The following ZNF385C variants were observed in gnomAD, a reference collection of about 807,000 sequenced individuals.
ZNF385C encodes zinc finger protein 385C, also known as CTD-2132N18.2.
ZNF385C carries 28 observed loss-of-function variants against 35.4 expected under a neutral mutation model. The observed-to-expected ratio is 0.79, with a 90% CI of 0.59 to 1.08. The LOEUF (loss-of-function observed/expected upper bound fraction) is 1.08. Among genes scored for constraint, ZNF385C ranks in the 50% least tolerant of loss-of-function variants. The pLI, the probability that ZNF385C is intolerant of heterozygous loss-of-function variation, is 0.00. For missense variants in ZNF385C, 605 were observed against 595.6 expected, an observed-to-expected ratio of 1.02 and a Z score of -0.16; for synonymous variants, 248 against 248.2, an observed-to-expected ratio of 1.00 and a Z score of 0.01.
intron 1 of ZNF385C, among the ~76,000 whole-genome samples, chr17:42,098,050 A>G (rs782802828): frequency 6.6e-6 from 1 of 152,100 alleles, no homozygotes; most frequent in Non-Finnish European, 1.5e-5. Flanking sequence ...CTGCCCTTGG[A>G]TGAGGCATGG....
At chr17:42,059,496 C>T (rs2053428985) in intron 2 of ZNF385C, among the ~76,000 whole-genome samples, 1 of 152,166 alleles carries the variant, frequency 6.6e-6, no homozygotes. Context: ...CCCGTTCTGA[C>T]CCAGTACTGA....
intron 2 of ZNF385C, among the ~76,000 whole-genome samples, chr17:42,045,335 G>A (rs372588540): frequency 6.6e-5 from 10 of 152,256 alleles, no homozygotes; most frequent in East Asian, 1.9e-4. Flanking sequence ...ACAGGCGTGC[G>A]CCACCGCGCC....
In ZNF385C at chr17:42,095,494, C is replaced by G. The variant is rs1396088094; in HGVS notation, c.-3+2916G>C. 6.6e-6 allele frequency among the ~76,000 whole-genome samples: 1 copy of G among 152,196 alleles called. No homozygotes were observed. The highest frequency in any genetic ancestry group is 1.9e-4 in the East Asian group (1 of 5,194). ...TTCCCCCAGGCTAGCTTCCATCCCTCCTGCTGCTGCGGCCCCATTTAGCTC... is the reference window on the plus strand; with the variant it reads ...TTCCCCCAGGCTAGCTTCCATCCCTGCTGCTGCTGCGGCCCCATTTAGCTC... On this transcript the variant is annotated intron_variant, in intron 1 of 8. Transcript: ENST00000692273. This position sits in a 1 kb window ranked among gnomAD's most constrained non-coding sequence, Gnocchi z 4.4.
In ZNF385C at chr17:42,028,891, C is replaced by G. The variant is rs782750056; in HGVS notation, c.859G>C (p.Val287Leu). 3.2e-6 allele frequency: 5 copies of G among 1,550,464 alleles called. No homozygotes were observed. The highest frequency in any genetic ancestry group is 2.7e-5 in the African/African-American group (2 of 73,062). The change falls in exon 6 of 9, where the codon GTG becomes CTG. Residue 287 changes from valine to leucine, a missense_variant. Val to Leu is a conservative substitution (Grantham distance 32). Coordinates refer to ENST00000692273, the MANE Select transcript of ZNF385C (RefSeq NM_001392013.1). Reference protein sequence around the residue: ...APGPEPAAAAVGSSMSGEGRS... With the variant: ...APGPEPAAAALGSSMSGEGRS... Reference sequence around the variant, plus strand: ...CCTTCCCCACTCATGCTGCTTCCCACGGCAGCTGCCGCTGGCTCAGGCCCC... The same window carrying G: ...CCTTCCCCACTCATGCTGCTTCCCAGGGCAGCTGCCGCTGGCTCAGGCCCC...
At chr17:42,072,556 G>T (rs979725994) in intron 1 of ZNF385C, among the ~76,000 whole-genome samples, 25 of 151,994 alleles carry the variant, frequency 1.6e-4, no homozygotes, top group Admixed American at 1.2e-3. Context: ...CGGCGCCCGC[G>T]CCTACCTGGA....
chr17:42,047,032 T>G (rs1407400280), intron 2 of ZNF385C, among the ~76,000 whole-genome samples: 2 of 15,112 alleles, frequency 1.3e-4, no homozygotes, highest in Non-Finnish European at 1.2e-3. Flanking sequence ...CCGGCTAATT[T>G]TTTTTTTTTT....
intron 2 of ZNF385C, among the ~76,000 whole-genome samples, chr17:42,055,635 C>T (rs575864795): frequency 1.2e-3 from 179 of 152,280 alleles, no homozygotes; most frequent in Non-Finnish European, 1.8e-3. Context: ...GGGGAGAAAA[C>T]GGCAACCCAG....
chr17:42,028,090 A>C lies in ZNF385C; in HGVS notation c.1124T>G (p.Leu375Arg). 6.2e-7 allele frequency: 1 copy of C among 1,613,694 alleles called. No homozygotes were observed. The highest frequency in any genetic ancestry group is 8.5e-7 in the Non-Finnish European group (1 of 1,179,834). The change falls in exon 7 of 9, where the codon CTC becomes CGC. Residue 375 changes from leucine (L) to arginine (R), a missense_variant. By Grantham distance (102) the Leu-to-Arg change is moderately radical. Coordinates refer to ENST00000692273, the MANE Select transcript of ZNF385C (RefSeq NM_001392013.1). ...CTCTGAATTGACCTGGAGCTGACAG[A>C]GAGCACAGTGGAAGGCAGGGCTGGG... ...QGPSPAFHCA[L>R]CQLQVNSETQ...
rs538682521 is a variant in ZNF385C, at chr17:42,029,484, C to T, written c.677-411G>A. Among the ~76,000 whole-genome samples, 143 of 152,234 alleles carry T rather than the reference C, an allele frequency of 9.4e-4. 2 individuals carry two copies. The highest frequency in any genetic ancestry group is 3.1e-3 in the South Asian group (15 of 4,820). On this transcript the variant is annotated intron_variant, in intron 5 of 8. Coordinates refer to ENST00000692273, the MANE Select transcript of ZNF385C (RefSeq NM_001392013.1). ...CTGTAATCCGAGCACTTTGGGAGGC[C>T]GAGGCAGGTGGATCACCTAAGGTCA...
Position 42,034,274 on chromosome 17 carries a change from T to C in ZNF385C, c.461A>G (p.Lys154Arg). ...GATGTTACAGGAAATGAACAGCTTC[T>C]TCTTCAGAGGGGAGGGGACACCAAA... ...HTFGVPSPLKKKLFISCNICH... is the reference protein window; with the variant it reads ...HTFGVPSPLKRKLFISCNICH... Residue 154 changes from lysine (K) to arginine (R), a missense_variant, in exon 4 of 9, where the codon AAG (lysine) becomes AGG (arginine). Lys to Arg is a conservative substitution (Grantham distance 26). Coordinates refer to ENST00000692273, the MANE Select transcript of ZNF385C (RefSeq NM_001392013.1). 6.4e-7 allele frequency: 1 copy of C among 1,550,664 alleles called. No individual in the cohort carries two copies. The highest frequency in any genetic ancestry group is 8.7e-7 in the Non-Finnish European group (1 of 1,146,994).
At chr17:42,039,828 C>T in intron 2 of ZNF385C, 2 of 1,232,078 alleles carry the variant, frequency 1.6e-6, no homozygotes, top group Admixed American at 4.2e-5. Flanking sequence ...TGTGGCCCCC[C>T]CGGCCTTCCC....
At chr17:42,090,564 C>T (rs2053855943) in intron 1 of ZNF385C, among the ~76,000 whole-genome samples, 2 of 151,004 alleles carry the variant, frequency 1.3e-5, no homozygotes, top group South Asian at 2.2e-4. Context: ...GGATTACAGA[C>T]GTGAGCCACC....
intron 1 of ZNF385C, among the ~76,000 whole-genome samples, chr17:42,084,323 C>CA (rs1267679685): frequency 0.11 from 13,708 of 120,736 alleles, 1,023 homozygotes; most frequent in African/African-American, 0.23. Context: ...GAGCTTGTCT[C>CA]AAAAAAAAAA....
chr17:42,067,384 GTGCT>G (rs113414812), intron 1 of ZNF385C, among the ~76,000 whole-genome samples: 4 of 152,288 alleles, frequency 2.6e-5, no homozygotes, highest in African/African-American at 9.6e-5. Flanking sequence ...GTGGTCATAA[GTGCT>G]TGGTGATTTG....
chr17:42,093,571 A>G (rs905738686), intron 1 of ZNF385C, among the ~76,000 whole-genome samples: 6 of 147,602 alleles, frequency 4.1e-5, no homozygotes, highest in African/African-American at 1.5e-4. Context: ...TTTACTTTTT[A>G]TTTTATTTTA....
At chr17:42,064,602 C>G (rs2053521267) in intron 1 of ZNF385C, among the ~76,000 whole-genome samples, 1 of 152,130 alleles carries the variant, frequency 6.6e-6, no homozygotes, top group Admixed American at 6.6e-5. Context: ...CTGTGTCACC[C>G]AGGCTGTAGT....
Position 42,047,644 on chromosome 17 carries a change from C to A in ZNF385C, c.251-9759G>T, listed in dbSNP as rs547110065. ...GCCAGATGCAATCGTAACTTCTTGGCCCTCTTCCTTGGGACTTTTTTTTTT... is the reference window on the plus strand; with the variant it reads ...GCCAGATGCAATCGTAACTTCTTGGACCTCTTCCTTGGGACTTTTTTTTTT... On this transcript the variant is annotated intron_variant, in intron 2 of 8. Coordinates refer to ENST00000692273, the MANE Select transcript of ZNF385C (RefSeq NM_001392013.1). 1.1e-4 allele frequency among the ~76,000 whole-genome samples: 16 copies of A among 152,028 alleles called. No homozygotes were observed. The South Asian group carries it at 3.3e-3, about 32-fold the overall frequency.
intron 1 of ZNF385C, among the ~76,000 whole-genome samples, chr17:42,064,067 C>T (rs1186904862): frequency 3.8e-5 from 5 of 133,264 alleles, no homozygotes; most frequent in Non-Finnish European, 3.1e-5. Flanking sequence ...CGCGCGCACA[C>T]GCACATACAC....
At chr17:42,070,653 C>T (rs1254264272) in intron 1 of ZNF385C, among the ~76,000 whole-genome samples, 2 of 152,210 alleles carry the variant, frequency 1.3e-5, no homozygotes, top group East Asian at 3.9e-4. Context: ...AGGGCCAGGT[C>T]TCCTCCATTC....
Sources: allele counts gnomAD v4.1 joint callset (sites outside exome capture counted in the v4.1 genomes callset), GRCh38; gene constraint gnomAD v4.1.1; non-coding constraint Gnocchi (gnomAD v3.1); transcripts MANE v1.5; gene names NCBI Gene and HGNC (gene_info 2026-07-23, HGNC 2026-07-21).